Variants in TENM1 observed in about 807,000 individuals in gnomAD.
The protein encoded by TENM1 is teneurin-1.
TENM1 carries 35 observed loss-of-function variants against 174.8 expected under a neutral mutation model. The observed-to-expected ratio is 0.20, with a 90% CI of 0.15 to 0.27. The LOEUF (loss-of-function observed/expected upper bound fraction) is 0.27, where lower values mean the gene tolerates loss of function less well. Among genes scored for constraint, TENM1 ranks in the 10% least tolerant of loss-of-function variants. The probability of loss-of-function intolerance (pLI) is 1.00; values close to 1 mark genes in which losing one functional copy is unlikely to be tolerated. For missense variants in TENM1, 1,633 were observed against 2,130.1 expected (o/e 0.77, Z 4.59); for synonymous variants, 781 against 798.7 (o/e 0.98, Z 0.37).
At chrX:125,091,675 G>A in the TENM1 span, among the ~76,000 whole-genome samples, 1 of 111,084 alleles carries the variant, frequency 9.0e-6, no homozygotes, top group Non-Finnish European at 1.9e-5. Context: ...CAATTTATCA[G>A]CTAGGTAACC....
chrX:125,107,198 G>T, the TENM1 span, among the ~76,000 whole-genome samples: 42 of 112,037 alleles, frequency 3.7e-4, no homozygotes, highest in African/African-American at 1.2e-3. Flanking sequence ...TTTATTCAGT[G>T]CCCTGTTTTA....
At chrX:124,858,322 C>T (rs781060031) in intron 3 of TENM1, among the ~76,000 whole-genome samples, 1 of 111,958 alleles carries the variant, frequency 8.9e-6, no homozygotes, top group Non-Finnish European at 1.9e-5. Context: ...ACATGAATAA[C>T]GACTTGAAGA....
chrX:124,519,923 T>A lies in TENM1; in HGVS notation c.3301+594A>T, dbSNP rs182974165. Among the ~76,000 whole-genome samples, 272 of 111,873 alleles carry A rather than the reference T, an allele frequency of 2.4e-3. 3 individuals are homozygous for A. Among genetic ancestry groups the A allele is most frequent in the African/African-American group, 8.6e-3 (266 of 30,871 alleles). ...CTATCTCTGCCTCATTTTAAAAAAA[T>A]GCCTTTTGTCTGGGAGAATTAAATA... On this transcript the variant is annotated intron_variant, in intron 18 of 31. Transcript: ENST00000422452.
chrX:125,035,575 G>A, the TENM1 span, among the ~76,000 whole-genome samples: 2 of 111,108 alleles, frequency 1.8e-5, no homozygotes, highest in African/African-American at 6.6e-5. Context: ...CAACTCTACT[G>A]AAGTGATGAC....
At chrX:124,622,436 CTTTCT>C in intron 11 of TENM1, among the ~76,000 whole-genome samples, 1 of 112,326 alleles carries the variant, frequency 8.9e-6, no homozygotes, top group South Asian at 3.7e-4. Context: ...AATGATGTGT[CTTTCT>C]TTTAAGTGAA....
chrX:125,015,331 G>A, the TENM1 span, among the ~76,000 whole-genome samples: 6 of 111,650 alleles, frequency 5.4e-5, no homozygotes, highest in Non-Finnish European at 9.4e-5. Context: ...CTCTCCCAGC[G>A]TATCAATAGG....
the TENM1 span, among the ~76,000 whole-genome samples, chrX:125,172,207 A>C: frequency 9.0e-6 from 1 of 111,633 alleles, no homozygotes; most frequent in Non-Finnish European, 1.9e-5. Flanking sequence ...CGGGCCTTAA[A>C]GAATAGAAAG....
At chrX:125,023,730 C>T in the TENM1 span, among the ~76,000 whole-genome samples, 2 of 111,507 alleles carry the variant, frequency 1.8e-5, no homozygotes, top group African/African-American at 3.3e-5. Context: ...AGAGGAGACA[C>T]AAGTCTTCAA....
At chrX:124,426,865 C>T (rs1023930850) in intron 23 of TENM1, among the ~76,000 whole-genome samples, 6 of 112,046 alleles carry the variant, frequency 5.4e-5, no homozygotes, top group Admixed American at 1.9e-4. Context: ...TGATGTGTTC[C>T]TCAGCACGTC....
At chrX:124,922,678 T>C (rs1434031940) in intron 1 of TENM1, among the ~76,000 whole-genome samples, 1 of 111,281 alleles carries the variant, frequency 9.0e-6, no homozygotes, top group Non-Finnish European at 1.9e-5. Flanking sequence ...CCACATATAT[T>C]TTTTACTTGC....
intron 5 of TENM1, among the ~76,000 whole-genome samples, chrX:124,681,121 G>C (rs1280227257): frequency 6.3e-5 from 7 of 111,848 alleles, no homozygotes; most frequent in Non-Finnish European, 9.4e-5. Flanking sequence ...TGTAATCATA[G>C]CCATAAATAT....
chrX:124,383,821 G>C (rs1365815626), exon 30 of TENM1: 1 of 1,207,653 alleles, frequency 8.3e-7, no homozygotes, highest in African/African-American at 1.8e-5. Context: ...GGAAATCATA[G>C]AGTCCTCCAT....
intron 11 of TENM1, among the ~76,000 whole-genome samples, chrX:124,576,100 C>A (rs761413822): frequency 1.8e-5 from 2 of 110,820 alleles, no homozygotes; most frequent in Non-Finnish European, 3.8e-5. Context: ...CACTCTGTCA[C>A]CCAGGCTGGA....
chrX:124,631,129 C>A (rs1161791023), intron 11 of TENM1, among the ~76,000 whole-genome samples: 1 of 111,536 alleles, frequency 9.0e-6, no homozygotes, highest in Non-Finnish European at 1.9e-5. Context: ...AAACCATAGA[C>A]CCACATCCAC....
chrX:125,165,106 T>C, the TENM1 span, among the ~76,000 whole-genome samples: 19 of 112,088 alleles, frequency 1.7e-4, no homozygotes, highest in African/African-American at 5.8e-4. Context: ...CTTCACATTA[T>C]CTAGACCATC....
the TENM1 span, among the ~76,000 whole-genome samples, chrX:125,096,775 T>C: frequency 6.3e-5 from 7 of 110,502 alleles, no homozygotes; most frequent in African/African-American, 2.0e-4. Context: ...AAGTCTGTAA[T>C]ACTTGGTTAT....
chrX:124,760,311 T>A (rs2054376494), intron 3 of TENM1, among the ~76,000 whole-genome samples: 1 of 112,194 alleles, frequency 8.9e-6, no homozygotes, highest in African/African-American at 3.2e-5. Context: ...AAAGAGAATG[T>A]TCTGCAACAC....
At chrX:124,472,868 G>C in intron 22 of TENM1, among the ~76,000 whole-genome samples, 1 of 111,272 alleles carries the variant, frequency 9.0e-6, no homozygotes, top group East Asian at 2.8e-4. Flanking sequence ...CCATGCATTT[G>C]GTAATCGTGA....
rs182412462 is a variant in TENM1 at position 124,659,164 on chromosome X, C to G, written c.1169-5381G>C. ...GAAGTAGCCAATTACTTTGACTTTT[C>G]TTGGTGAAAACTAAAATTGATATAA... On this transcript the variant is annotated intron_variant, in intron 6 of 31. Coordinates refer to ENST00000422452, the Ensembl canonical transcript of TENM1. 3.9e-3 allele frequency among the ~76,000 whole-genome samples: 434 copies of G among 111,830 alleles called. 2 individuals are homozygous for G. Among genetic ancestry groups the G allele is most frequent in the Middle Eastern group, 0.018 (4 of 217 alleles).
Sources: allele counts gnomAD v4.1 joint callset (sites outside exome capture counted in the v4.1 genomes callset), GRCh38; gene constraint gnomAD v4.1.1; transcripts MANE v1.5; gene names NCBI Gene and HGNC (gene_info 2026-07-23, HGNC 2026-07-21).